RASGRP3: variants seen among roughly 807,000 people sequenced by gnomAD.
RASGRP3 encodes RAS guanyl releasing protein 3, also known as ras guanyl-releasing protein 3.
RASGRP3 carries 54 observed loss-of-function variants against 82.7 expected under a neutral mutation model. The observed-to-expected ratio is 0.65, with a 90% CI of 0.52 to 0.82. RASGRP3 has a LOEUF of 0.82. RASGRP3 is among the 40% of genes least tolerant of loss of function. The pLI is 0.00. For missense variants in RASGRP3, 861 were observed against 828.9 expected, an observed-to-expected ratio of 1.04 and a Z score of -0.48; for synonymous variants, 309 against 300.5, an observed-to-expected ratio of 1.03 and a Z score of -0.29.
At chr2:33,547,071 A>G (rs1477498808) in intron 13 of RASGRP3, among the ~76,000 whole-genome samples, 17 of 139,906 alleles carry the variant, frequency 1.2e-4, no homozygotes, top group African/African-American at 4.8e-4. Context: ...AAAAAAAAAA[A>G]AAAGAGAGAG....
intron 2 of RASGRP3, among the ~76,000 whole-genome samples, chr2:33,466,158 C>G (rs537918997): frequency 1.3e-5 from 2 of 152,266 alleles, no homozygotes; most frequent in African/African-American, 4.8e-5. Context: ...TTAAGAGACA[C>G]ATTTTGTAAG....
chr2:33,477,796 T>G (rs1409836006), intron 1 of RASGRP3, among the ~76,000 whole-genome samples: 3 of 152,196 alleles, frequency 2.0e-5, no homozygotes, highest in Middle Eastern at 3.2e-3. Flanking sequence ...AATCAGAGGC[T>G]GCAGGGAGAT....
chr2:33,507,430 A>G (rs112801924), intron 1 of RASGRP3, among the ~76,000 whole-genome samples: 4 of 152,288 alleles, frequency 2.6e-5, no homozygotes, highest in African/African-American at 9.6e-5. Flanking sequence ...TGGGGCAGAG[A>G]TGCAGAAAGC....
intron 2 of RASGRP3, among the ~76,000 whole-genome samples, chr2:33,462,059 ATTG>A (rs1666399071): frequency 6.6e-6 from 1 of 152,258 alleles, no homozygotes; most frequent in South Asian, 2.1e-4. Context: ...GAACATTGAC[ATTG>A]TTTAGAATTA....
intron 9 of RASGRP3, among the ~76,000 whole-genome samples, chr2:33,525,353 T>C (rs1055113060): frequency 6.6e-5 from 10 of 151,314 alleles, no homozygotes; most frequent in Admixed American, 2.0e-4. Flanking sequence ...TATATATATA[T>C]ATATTAGAAA....
At chr2:33,470,961 C>T (rs569162122) in intron 2 of RASGRP3, among the ~76,000 whole-genome samples, 1 of 152,134 alleles carries the variant, frequency 6.6e-6, no homozygotes, top group African/African-American at 2.4e-5. Context: ...TGCAGTGGCT[C>T]AAATGTCTAG....
intron 13 of RASGRP3, among the ~76,000 whole-genome samples, chr2:33,549,262 A>T (rs1472791997): frequency 6.6e-6 from 1 of 152,188 alleles, no homozygotes; most frequent in Non-Finnish European, 1.5e-5. Flanking sequence ...CCTTACAGCT[A>T]GGCAAGGACT....
At chr2:33,472,593 G>A (rs540899517), upstream of RASGRP3, among the ~76,000 whole-genome samples, 38 of 152,302 alleles carry the variant, frequency 2.5e-4, no homozygotes, top group African/African-American at 9.1e-4. Context: ...TGAGGATGAA[G>A]GAGGTAGTAG....
At position 33,527,264 on chromosome 2, in the gene RASGRP3, T is replaced by C; in HGVS notation, c.935T>C (p.Val312Ala). The part of the protein sequence containing the change: ...LGVHLKDLIA[V>A]HVIFPDWTEE... ...GTACACTTGAAAGACTTGATAGCTG[T>C]CCATGTCATTTTCCCAGACTGGACA... is the stretch of plus-strand genomic sequence containing the variant. The change falls in exon 10 of 18, where the codon GTC becomes GCC. Residue 312 changes from valine (V) to alanine (A), a missense_variant. Coordinates refer to ENST00000403687, the MANE Select transcript of RASGRP3 (RefSeq NM_001139488.2). 1.2e-6 allele frequency: 2 copies of C among 1,614,014 alleles called. No individual in the cohort carries two copies. The highest frequency in any genetic ancestry group is 1.7e-6 in the Non-Finnish European group (2 of 1,179,878).
At chr2:33,459,379 C>G (rs1179091318) in intron 2 of RASGRP3, among the ~76,000 whole-genome samples, 1 of 152,208 alleles carries the variant, frequency 6.6e-6, no homozygotes, top group Non-Finnish European at 1.5e-5. Flanking sequence ...CATGATCCGC[C>G]TGCCTCAGCC....
intron 1 of RASGRP3, among the ~76,000 whole-genome samples, chr2:33,483,769 G>T (rs1218158997): frequency 1.3e-5 from 2 of 152,274 alleles, no homozygotes; most frequent in South Asian, 2.1e-4. Flanking sequence ...GATTACAGGT[G>T]TGAGCCACTG....
chr2:33,521,031 G>A (rs749060694), intron 6 of RASGRP3, among the ~76,000 whole-genome samples: 29 of 152,212 alleles, frequency 1.9e-4, no homozygotes, highest in Non-Finnish European at 4.0e-4. Flanking sequence ...ACTGATTAAA[G>A]TGTGGTCTGC....
At chr2:33,453,057 G>A (rs2150887343) in intron 2 of RASGRP3, among the ~76,000 whole-genome samples, 1 of 152,266 alleles carries the variant, frequency 6.6e-6, no homozygotes, top group Non-Finnish European at 1.5e-5. Context: ...CACCCCTTGG[G>A]GGAGGGATGA....
chr2:33,493,215 T>C (rs1413490784), intron 1 of RASGRP3: 2 of 152,272 alleles, frequency 1.3e-5, no homozygotes, highest in Non-Finnish European at 2.9e-5. Context: ...ACCTGAGCCC[T>C]AAACAACTGA....
intron 14 of RASGRP3, among the ~76,000 whole-genome samples, chr2:33,553,981 C>T (rs1675630905): frequency 6.6e-6 from 1 of 152,150 alleles, no homozygotes; most frequent in African/African-American, 2.4e-5. Flanking sequence ...TCATGATCCG[C>T]CCGCCTCGGC....
At chr2:33,549,339 CAT>C (rs34329555) in intron 13 of RASGRP3, among the ~76,000 whole-genome samples, 44,649 of 151,984 alleles carry the variant, frequency 0.29, 7,345 homozygotes, top group Middle Eastern at 0.44. Flanking sequence ...GCACAGGCCA[CAT>C]GTGTGCTTAC....
At chr2:33,509,508 T>C (rs1163947989) in intron 1 of RASGRP3, among the ~76,000 whole-genome samples, 4 of 152,164 alleles carry the variant, frequency 2.6e-5, no homozygotes, top group Non-Finnish European at 4.4e-5. Context: ...AATACTGTCA[T>C]GAGCTACTTC....
intron 1 of RASGRP3, among the ~76,000 whole-genome samples, chr2:33,477,243 G>A (rs909776630): frequency 6.6e-6 from 1 of 151,964 alleles, no homozygotes; most frequent in Admixed American, 6.5e-5. Context: ...CTGCAATATA[G>A]AAGACTGACA....
upstream of RASGRP3, among the ~76,000 whole-genome samples, chr2:33,472,991 G>C (rs1330447650): frequency 6.6e-6 from 1 of 152,068 alleles, no homozygotes; most frequent in Non-Finnish European, 1.5e-5. Flanking sequence ...AGAGTAAATG[G>C]GATGTGAGAT....
Sources: allele counts gnomAD v4.1 joint callset (sites outside exome capture counted in the v4.1 genomes callset), GRCh38; gene constraint gnomAD v4.1.1; transcripts MANE v1.5; gene names NCBI Gene and HGNC (gene_info 2026-07-23, HGNC 2026-07-21).